The following ATP6V0A2 variants were observed in gnomAD, a reference collection of about 807,000 sequenced individuals.
ATP6V0A2 encodes the protein V-type proton ATPase 116 kDa subunit a 2.
A neutral mutation model predicts 104.4 loss-of-function variants in ATP6V0A2; 58 were observed. The ratio of observed to expected loss-of-function variants is 0.56; its 90% CI spans 0.45 to 0.69. The LOEUF is 0.69. Ranked by LOEUF, ATP6V0A2 falls within the 30% of genes least tolerant of loss-of-function variation. The pLI, the probability that ATP6V0A2 is intolerant of heterozygous loss-of-function variation, is 0.00. For missense variants in ATP6V0A2, 938 were observed against 1,062.9 expected, an observed-to-expected ratio of 0.88 and a Z score of 1.63; for synonymous variants, 376 against 397.9, an observed-to-expected ratio of 0.95 and a Z score of 0.65.
At chr12:123,742,629 G>A (rs1956620340) in intron 9 of ATP6V0A2, among the ~76,000 whole-genome samples, 1 of 152,098 alleles carries the variant, frequency 6.6e-6, no homozygotes, top group South Asian at 2.1e-4. Flanking sequence ...CTGAGGTTAG[G>A]AGTTCGAGAC....
chr12:123,750,795 T>C, intron 15 of ATP6V0A2: 1 of 381,270 alleles, frequency 2.6e-6, no homozygotes, highest in Non-Finnish European at 5.0e-6. Context: ...CTTGTGCTTA[T>C]ACTTTCTCAT....
chr12:123,747,705 TC>T lies in ATP6V0A2; in HGVS notation c.1705del (p.Leu569TrpfsTer36). On this transcript the variant is annotated frameshift_variant, in exon 14 of 20. Transcript: ENST00000330342. LOFTEE classifies it high-confidence loss of function. ...TCATTCATATGACTTTTGGAGTCAT[TC>T]TGGGAATATTTAACCACTTGTAAGT... ...GIIHMTFGVI[L>X]GIFNHLHFRK... The T allele has an allele frequency of 6.2e-7, 1 of 1,600,708 alleles. No individual in the cohort carries two copies. The highest frequency in any genetic ancestry group is 8.6e-7 in the Non-Finnish European group (1 of 1,167,776).
At chr12:123,736,070 G>A (rs998185593) in intron 8 of ATP6V0A2, among the ~76,000 whole-genome samples, 8 of 151,318 alleles carry the variant, frequency 5.3e-5, no homozygotes, top group Non-Finnish European at 1.2e-4. Flanking sequence ...ACAGAGTTTC[G>A]CCATGTTGCC....
chr12:123,756,176 T>C (rs1956762313), intron 18 of ATP6V0A2, among the ~76,000 whole-genome samples: 1 of 151,628 alleles, frequency 6.6e-6, no homozygotes, highest in Non-Finnish European at 1.5e-5. Context: ...AACAACAATT[T>C]TAAAGGCCAC....
chr12:123,751,010 T>G, intron 15 of ATP6V0A2, 100 bp from the exon 16 acceptor site: 25 of 1,509,628 alleles, frequency 1.7e-5, no homozygotes, highest in South Asian at 2.3e-5. Context: ...GTTCCTCGCG[T>G]GGAGACATTG....
At position 123,734,013 on chromosome 12, in the gene ATP6V0A2, G is replaced by A. The variant is rs1487058823; in HGVS notation, c.731+5G>A. On this transcript the variant is annotated splice_donor_5th_base_variant and intron_variant, in intron 7 of 19. Coordinates refer to ENST00000330342, the MANE Select transcript of ATP6V0A2 (RefSeq NM_012463.4). ...GGTTAAGAAGATATGTGATTGGTAA[G>A]AAAAAGAAACATTTCATTTCATTTA... 6.2e-7 allele frequency: 1 copy of A among 1,606,788 alleles called. No homozygotes were observed. Among genetic ancestry groups the A allele is most frequent in the Non-Finnish European group, 8.5e-7 (1 of 1,174,046 alleles).
chr12:123,727,512 T>C (rs1956459725), intron 5 of ATP6V0A2, among the ~76,000 whole-genome samples: 1 of 152,018 alleles, frequency 6.6e-6, no homozygotes, highest in Admixed American at 6.6e-5. Context: ...CTCCTGACCT[T>C]GTGATCCACC....
Position 123,744,745 on chromosome 12 carries a change from G to T in ATP6V0A2, c.1475G>T (p.Ser492Ile). Residue 492 changes from serine (S) to isoleucine (I), a missense_variant, in exon 12 of 20, where the codon AGC (serine) becomes ATC (isoleucine). Transcript: ENST00000330342. This position sits in a 1 kb window ranked among gnomAD's most constrained non-coding sequence, Gnocchi z 5.4. The part of the protein sequence containing the change: ...GWNVSAMYSS[S>I]HPPAEHKKMV... ...AACGTGTCGGCCATGTACAGCTCCAGCCACCCACCCGCAGAGCATAAGAAG... is the reference window on the plus strand; with the variant it reads ...AACGTGTCGGCCATGTACAGCTCCATCCACCCACCCGCAGAGCATAAGAAG... 3.7e-6 allele frequency: 6 copies of T among 1,614,116 alleles called. No homozygotes were observed. Among genetic ancestry groups the T allele is most frequent in the Non-Finnish European group, 5.1e-6 (6 of 1,180,022 alleles).
intron 9 of ATP6V0A2, among the ~76,000 whole-genome samples, chr12:123,743,543 C>T (rs576441880): frequency 4.6e-4 from 70 of 152,120 alleles, no homozygotes; most frequent in Admixed American, 9.8e-4. Context: ...ATCCCAGCTA[C>T]TAGGGAGGCT....
At chr12:123,737,504 C>T (rs1956567220) in intron 9 of ATP6V0A2, 2 of 499,226 alleles carry the variant, frequency 4.0e-6, no homozygotes, top group African/African-American at 1.9e-5. Flanking sequence ...CTGCCTCAGC[C>T]TCCCAAAGTG....
At chr12:123,735,689 T>C (rs1956546459) in intron 8 of ATP6V0A2, 65 bp downstream of exon 8, 4 of 1,299,046 alleles carry the variant, frequency 3.1e-6, no homozygotes, top group Non-Finnish European at 4.4e-6. Flanking sequence ...ACGTATATTT[T>C]CTCTCTTTTT....
At chr12:123,735,418 G>A (rs563212613) in intron 7 of ATP6V0A2, 113 bp from the exon 8 acceptor site, 1 of 940,390 alleles carries the variant, frequency 1.1e-6, no homozygotes, top group South Asian at 1.3e-5. Flanking sequence ...CTGCACCCGT[G>A]TCTCCCAAAC....
intron 1 of ATP6V0A2, among the ~76,000 whole-genome samples, chr12:123,715,847 G>C (rs1162139355): frequency 2.6e-5 from 4 of 152,076 alleles, no homozygotes; most frequent in Non-Finnish European, 5.9e-5. Flanking sequence ...GCTTTACACA[G>C]AAATCATGAC....
intron 1 of ATP6V0A2, 149 bp downstream of exon 1, chr12:123,712,831 G>A: frequency 2.6e-6 from 2 of 780,786 alleles, no homozygotes; most frequent in East Asian, 2.7e-5. Flanking sequence ...CCAGCTCAGC[G>A]GCCAAAGCTT....
chr12:123,721,294 C>A, intron 2 of ATP6V0A2: 1 of 199,056 alleles, frequency 5.0e-6, no homozygotes. Context: ...TCTTGTTCCA[C>A]TCTTTGAACT....
At chr12:123,723,281 T>C (rs1047658061) in intron 3 of ATP6V0A2, 1 of 152,160 alleles carries the variant, frequency 6.6e-6, no homozygotes, top group Non-Finnish European at 1.5e-5. Flanking sequence ...GTGATGACTG[T>C]GTACAGTGCT....
intron 7 of ATP6V0A2, among the ~76,000 whole-genome samples, chr12:123,734,623 A>G (rs1956533482): frequency 6.6e-6 from 1 of 152,242 alleles, no homozygotes; most frequent in Admixed American, 6.5e-5. Flanking sequence ...TACAACAATA[A>G]TCTGTGACTT....
chr12:123,735,764 C>A, intron 8 of ATP6V0A2, 140 bp downstream of exon 8: 3 of 777,616 alleles, frequency 3.9e-6, no homozygotes, highest in South Asian at 3.0e-5. Flanking sequence ...TGTTGCTTCC[C>A]TCCCTCCTCC....
intron 3 of ATP6V0A2, 26 bp from the exon 4 acceptor site, chr12:123,724,628 C>G: frequency 6.2e-7 from 1 of 1,612,036 alleles, no homozygotes; most frequent in Non-Finnish European, 8.5e-7. Flanking sequence ...TTACTACCCT[C>G]TTAAGTAACC....
Sources: allele counts gnomAD v4.1 joint callset (sites outside exome capture counted in the v4.1 genomes callset), GRCh38; gene constraint gnomAD v4.1.1; non-coding constraint Gnocchi (gnomAD v3.1); transcripts MANE v1.5; gene names NCBI Gene and HGNC (gene_info 2026-07-23, HGNC 2026-07-21).